AK5: variants seen among roughly 807,000 people sequenced by gnomAD.
The protein encoded by AK5 is adenylate kinase isoenzyme 5.
A neutral mutation model predicts 69.5 loss-of-function variants in AK5; 27 were observed. The ratio of observed to expected loss-of-function variants is 0.39; its 90% CI spans 0.29 to 0.54. AK5 has a LOEUF of 0.54. AK5 is among the 20% of genes least tolerant of loss of function. AK5 has a pLI of 0.71. For synonymous variants in AK5, 260 were observed against 244.4 expected, an observed-to-expected ratio of 1.06 and a Z score of -0.60; for missense variants, 531 against 700.4, an observed-to-expected ratio of 0.76 and a Z score of 2.73.
At chr1:77,407,165 T>G (rs1649713069) in intron 6 of AK5, among the ~76,000 whole-genome samples, 1 of 151,976 alleles carries the variant, frequency 6.6e-6, no homozygotes, top group South Asian at 2.1e-4. Context: ...AAAGTAACTG[T>G]AATTTTATTT....
At chr1:77,340,716 C>A in intron 6 of AK5, 148 bp downstream of exon 6, 1 of 513,140 alleles carries the variant, frequency 1.9e-6, no homozygotes, top group Non-Finnish European at 3.2e-6. Flanking sequence ...ATCATTTTGA[C>A]CTGATTTGCC....
intron 13 of AK5, among the ~76,000 whole-genome samples, chr1:77,546,910 A>G (rs1659570504): frequency 6.6e-6 from 1 of 152,242 alleles, no homozygotes; most frequent in Non-Finnish European, 1.5e-5. Context: ...CTCAAGCCAG[A>G]TGAAGGAGAA....
intron 6 of AK5, among the ~76,000 whole-genome samples, chr1:77,347,999 A>C (rs1274368255): frequency 1.3e-5 from 2 of 152,224 alleles, no homozygotes; most frequent in African/African-American, 4.8e-5. Flanking sequence ...GCATCGGATG[A>C]GAAGAGCTCT....
intron 5 of AK5, among the ~76,000 whole-genome samples, chr1:77,304,058 A>G (rs549258481): frequency 2.0e-5 from 3 of 152,304 alleles, no homozygotes; most frequent in South Asian, 4.2e-4. Context: ...ATTATTGACT[A>G]TAGTCTCCCT....
At chr1:77,325,429 C>T (rs1660751004) in intron 5 of AK5, among the ~76,000 whole-genome samples, 1 of 151,782 alleles carries the variant, frequency 6.6e-6, no homozygotes, top group Non-Finnish European at 1.5e-5. Flanking sequence ...CCATTTTTGC[C>T]TGCCAGGACA....
intron 13 of AK5, among the ~76,000 whole-genome samples, chr1:77,538,361 A>AAC (rs1491318050): frequency 2.0e-4 from 29 of 143,856 alleles, no homozygotes; most frequent in African/African-American, 7.6e-4. Context: ...CAACAACAAC[A>AAC]AAAAAAAAAA....
At chr1:77,536,251 A>G (rs1347197792) in intron 13 of AK5, among the ~76,000 whole-genome samples, 1 of 152,188 alleles carries the variant, frequency 6.6e-6, no homozygotes, top group African/African-American at 2.4e-5. Flanking sequence ...GCTTGAGCCC[A>G]GGAGTTCAAG....
chr1:77,493,524 G>A (rs139549365), intron 10 of AK5, among the ~76,000 whole-genome samples: 56 of 152,176 alleles, frequency 3.7e-4, no homozygotes, highest in African/African-American at 1.1e-3. Flanking sequence ...ACGTCCAGTC[G>A]CTTCTGTTTC....
intron 6 of AK5, among the ~76,000 whole-genome samples, chr1:77,351,062 G>A (rs1293885436): frequency 6.6e-6 from 1 of 152,146 alleles, no homozygotes; most frequent in Non-Finnish European, 1.5e-5. Context: ...GCAATAATTG[G>A]TCTTCACCAA....
At chr1:77,463,935 A>G (rs143442179) in intron 8 of AK5, among the ~76,000 whole-genome samples, 45 of 152,332 alleles carry the variant, frequency 3.0e-4, no homozygotes, top group African/African-American at 1.0e-3. Context: ...GCAGAGTCCA[A>G]TAGGTATCCA....
At chr1:77,439,075 AATCT>A (rs1479829849) in intron 8 of AK5, among the ~76,000 whole-genome samples, 7 of 152,174 alleles carry the variant, frequency 4.6e-5, no homozygotes, top group Admixed American at 3.3e-4. Flanking sequence ...AGGGGCTGAT[AATCT>A]ATCTAAGGTG....
At chr1:77,389,588 T>C (rs1385917060) in intron 6 of AK5, among the ~76,000 whole-genome samples, 1 of 152,240 alleles carries the variant, frequency 6.6e-6, no homozygotes, top group Non-Finnish European at 1.5e-5. Flanking sequence ...GTGTGATTAA[T>C]AGGAAATTTG....
intron 6 of AK5, among the ~76,000 whole-genome samples, chr1:77,403,834 A>T (rs920175051): frequency 9.9e-5 from 15 of 152,202 alleles, no homozygotes; most frequent in Admixed American, 9.2e-4. Context: ...TTCTGTGAAG[A>T]AAGTCATTGG....
chr1:77,367,631 A>ATATATATGTTATGT (rs1646992584), intron 6 of AK5, among the ~76,000 whole-genome samples: 1 of 62,340 alleles, frequency 1.6e-5, no homozygotes, highest in Non-Finnish European at 3.3e-5. Flanking sequence ...TATATATGTA[A>ATATATATGTTATGT]TATATATGTT....
intron 6 of AK5, among the ~76,000 whole-genome samples, chr1:77,351,353 G>A (rs1334685317): frequency 2.0e-5 from 3 of 152,144 alleles, no homozygotes; most frequent in Non-Finnish European, 2.9e-5. Context: ...CATGATTGCA[G>A]CACTGCACTC....
At chr1:77,324,697 G>C (rs1400137966) in intron 5 of AK5, among the ~76,000 whole-genome samples, 1 of 119,192 alleles carries the variant, frequency 8.4e-6, no homozygotes, top group East Asian at 2.3e-4. Context: ...GATCTTTATA[G>C]GGAAAAAAAA....
intron 8 of AK5, among the ~76,000 whole-genome samples, chr1:77,446,617 G>A (rs1263670105): frequency 6.6e-6 from 1 of 151,956 alleles, no homozygotes; most frequent in South Asian, 2.1e-4. Flanking sequence ...TCAGTATACA[G>A]GTCTTTCACT....
chr1:77,440,538 T>C (rs1383615571), intron 8 of AK5, among the ~76,000 whole-genome samples: 3 of 152,192 alleles, frequency 2.0e-5, no homozygotes, highest in Non-Finnish European at 4.4e-5. Flanking sequence ...GGGAAGTTTC[T>C]AGCTATTACA....
chr1:77,538,868 A>G (rs1051407768), intron 13 of AK5, among the ~76,000 whole-genome samples: 1 of 152,182 alleles, frequency 6.6e-6, no homozygotes, highest in Non-Finnish European at 1.5e-5. Context: ...GATTTCTGGA[A>G]TCTTCCTTAG....
Sources: allele counts gnomAD v4.1 joint callset (sites outside exome capture counted in the v4.1 genomes callset), GRCh38; gene constraint gnomAD v4.1.1; transcripts MANE v1.5; gene names NCBI Gene and HGNC (gene_info 2026-07-23, HGNC 2026-07-21).